Variants in SHROOM2 observed in about 807,000 individuals in gnomAD.
SHROOM2 encodes the protein shroom family member 2, also known as protein Shroom2.
In SHROOM2, 33 loss-of-function variants were observed where a neutral mutation model predicts 75.9. The ratio of observed to expected loss-of-function variants is 0.43; its 90% CI spans 0.33 to 0.58. SHROOM2 has a LOEUF of 0.58. Among genes scored for constraint, SHROOM2 ranks in the 20% least tolerant of loss-of-function variants. The pLI is 0.04. For missense variants in SHROOM2, 1,434 were observed against 1,461.2 expected (o/e 0.98, Z 0.30); for synonymous variants, 655 against 663.6 (o/e 0.99, Z 0.20).
intron 3 of SHROOM2, among the ~76,000 whole-genome samples, chrX:9,892,413 A>G (rs1344149311): frequency 3.6e-5 from 4 of 110,781 alleles, no homozygotes; most frequent in African/African-American, 6.6e-5. Flanking sequence ...TTGGGGAAAA[A>G]AAAAACACAA....
chrX:9,816,413 A>G (rs1207008106), intron 1 of SHROOM2, among the ~76,000 whole-genome samples: 1 of 112,291 alleles, frequency 8.9e-6, no homozygotes, highest in Non-Finnish European at 1.9e-5. Flanking sequence ...AAAACTCACA[A>G]TTTCAAAGGT....
intron 3 of SHROOM2, among the ~76,000 whole-genome samples, chrX:9,893,962 A>C (rs1459607581): frequency 9.1e-6 from 1 of 109,975 alleles, no homozygotes; most frequent in Non-Finnish European, 1.9e-5. Context: ...AAAAAAAAAA[A>C]AAAAACCAAA....
chrX:9,913,225 A>G (rs891425995), intron 5 of SHROOM2: 3 of 112,495 alleles, frequency 2.7e-5, no homozygotes, highest in African/African-American at 9.7e-5. Flanking sequence ...TTGAGAAAAA[A>G]TGGTGAGTCA....
intron 1 of SHROOM2, among the ~76,000 whole-genome samples, chrX:9,830,580 G>GTTTTTT (rs2083910085): frequency 2.2e-5 from 1 of 44,521 alleles, no homozygotes; most frequent in African/African-American, 8.3e-5. Context: ...TGAACCCCTG[G>GTTTTTT]TTTCTTTTTT....
chrX:9,810,953 A>G (rs1245173713), intron 1 of SHROOM2, among the ~76,000 whole-genome samples: 5 of 105,136 alleles, frequency 4.8e-5, no homozygotes, highest in Non-Finnish European at 9.4e-5. Flanking sequence ...TTCTTTAGCT[A>G]TGAAATGAGT....
At chrX:9,860,707 A>T (rs775441442) in intron 1 of SHROOM2, among the ~76,000 whole-genome samples, 23 of 111,988 alleles carry the variant, frequency 2.1e-4, no homozygotes, top group Non-Finnish European at 4.3e-4. Context: ...TACAGACATG[A>T]GCCACCGTGT....
chrX:9,909,301 G>A (rs984088179), intron 5 of SHROOM2, among the ~76,000 whole-genome samples: 1 of 112,702 alleles, frequency 8.9e-6, no homozygotes, highest in Non-Finnish European at 1.9e-5. Flanking sequence ...TGAATCCACA[G>A]CCCAGACTGA....
chrX:9,859,256 T>C (rs1349920026), intron 1 of SHROOM2, among the ~76,000 whole-genome samples: 3 of 104,937 alleles, frequency 2.9e-5, no homozygotes, highest in Non-Finnish European at 5.9e-5. Context: ...TTTTGTTTTT[T>C]CCTCCTGTAG....
chrX:9,875,041 A>G (rs1294628997), intron 2 of SHROOM2, among the ~76,000 whole-genome samples: 1 of 82,966 alleles, frequency 1.2e-5, no homozygotes, highest in Non-Finnish European at 2.2e-5. Flanking sequence ...TGATTGTGCC[A>G]CTGTATTCCA....
chrX:9,795,672 G>A (rs2083691326), intron 1 of SHROOM2, among the ~76,000 whole-genome samples: 1 of 111,395 alleles, frequency 9.0e-6, no homozygotes, highest in Non-Finnish European at 1.9e-5. Context: ...CCGTGCATGG[G>A]GGTGAGTGAT....
intron 1 of SHROOM2, among the ~76,000 whole-genome samples, chrX:9,843,964 A>G (rs1400919430): frequency 8.9e-6 from 1 of 112,780 alleles, no homozygotes; most frequent in East Asian, 2.8e-4. Context: ...TCTTAACTGT[A>G]GGAATTAATG....
rs397953893 is a variant in SHROOM2 at position 9,827,223 on chromosome X, C to CTTTTTTTTTTT, written c.165+40520_165+40530dup. On this transcript the variant is annotated intron_variant, in intron 1 of 9. Transcript: ENST00000380913. ...TGTTAGCCTTGACATTTTTCTTTTTCTTTTTTTTTTTTTTTTTGAGACAGG... is the reference window on the plus strand; with the variant it reads ...TGTTAGCCTTGACATTTTTCTTTTTCTTTTTTTTTTTTTTTTTTTTTTTTTTTTGAGACAGG... Among the ~76,000 whole-genome samples the CTTTTTTTTTTT allele has an allele frequency of 9.1e-4, 55 of 60,116 alleles. 2 individuals carry two copies. Among genetic ancestry groups the CTTTTTTTTTTT allele is most frequent in the African/African-American group, 2.7e-3 (36 of 13,325 alleles). The allele number at this position is 60,116 out of a possible 115,157, so 52.2% of individuals were successfully genotyped here. A position where few individuals can be genotyped will look rare whatever the true frequency, so the allele number is the denominator to read the frequency against.
At chrX:9,815,444 G>A (rs1378751859) in intron 1 of SHROOM2, among the ~76,000 whole-genome samples, 36 of 22,552 alleles carry the variant, frequency 1.6e-3, no homozygotes, top group Admixed American at 8.5e-3. Flanking sequence ...ATGTGTGTGT[G>A]TGTGTGTGTG....
At chrX:9,875,058 G>A (rs2084190927) in intron 2 of SHROOM2, among the ~76,000 whole-genome samples, 1 of 55,160 alleles carries the variant, frequency 1.8e-5, no homozygotes, top group Non-Finnish European at 3.5e-5. Context: ...TCCAGGCTGG[G>A]TGACAGAGCA....
chrX:9,827,792 G>A (rs1016929191), intron 1 of SHROOM2, among the ~76,000 whole-genome samples: 5 of 110,493 alleles, frequency 4.5e-5, no homozygotes, highest in African/African-American at 1.3e-4. Flanking sequence ...GCCTTCCTCC[G>A]CTGAGAGAAT....
At chrX:9,870,035 T>C (rs1034642517) in intron 1 of SHROOM2, among the ~76,000 whole-genome samples, 2 of 111,257 alleles carry the variant, frequency 1.8e-5, no homozygotes, top group Non-Finnish European at 3.8e-5. Flanking sequence ...TTGAGCAACA[T>C]AGGGAGACCC....
intron 1 of SHROOM2, among the ~76,000 whole-genome samples, chrX:9,804,001 AC>A (rs2083738245): frequency 9.0e-6 from 1 of 111,425 alleles, no homozygotes; most frequent in South Asian, 3.8e-4. Context: ...GTGGTCACTC[AC>A]AGTGTCTGGC....
intron 1 of SHROOM2, among the ~76,000 whole-genome samples, chrX:9,849,120 T>C (rs772704767): frequency 8.9e-6 from 1 of 111,836 alleles, no homozygotes; most frequent in Non-Finnish European, 1.9e-5. Context: ...GTCTGGAGCA[T>C]CCCAGGGCGG....
At chrX:9,942,901 GGT>G (rs1484035532) in intron 8 of SHROOM2, among the ~76,000 whole-genome samples, 3 of 111,469 alleles carry the variant, frequency 2.7e-5, no homozygotes. Context: ...CTTCCCCCTA[GGT>G]GTGCCGCAGG....
Sources: gnomAD v4.1 joint callset for allele counts (sites outside exome capture counted in the v4.1 genomes callset) on GRCh38, gnomAD v4.1.1 for gene constraint, MANE v1.5 for transcripts, NCBI Gene and HGNC (gene_info 2026-07-23, HGNC 2026-07-21) for gene names.